Variants in ANK3 observed in about 807,000 individuals in gnomAD.
ANK3 encodes ankyrin-3.
Under a neutral mutation model 370.9 loss-of-function variants are expected in ANK3, and 57 were observed. The observed-to-expected ratio is 0.15, with a 90% CI of 0.12 to 0.19. ANK3 has a LOEUF of 0.19. Among genes scored for constraint, ANK3 ranks in the 10% least tolerant of loss-of-function variants. The probability of loss-of-function intolerance (pLI) is 1.00; values close to 1 mark genes in which losing one functional copy is unlikely to be tolerated. For missense variants in ANK3, 4,439 were observed against 5,302.1 expected, an observed-to-expected ratio of 0.84 and a Z score of 5.06; for synonymous variants, 1,929 against 1,946.3, an observed-to-expected ratio of 0.99 and a Z score of 0.23.
rs764370843 is a variant in ANK3, at chr10:60,073,917, T to C, written c.6964A>G (p.Met2322Val). The C allele has an allele frequency of 3.1e-6, 5 of 1,614,074 alleles. No individual in the cohort carries two copies. The Admixed American group carries it at 6.7e-5, about 22-fold the overall frequency. The change falls in exon 37 of 44, where the codon ATG (methionine) becomes GTG (valine). Residue 2322 changes from methionine (M) to valine (V), a missense_variant. Met to Val is a conservative substitution (Grantham distance 21). This residue lies in a region of ANK3 where 1,601 missense variants were observed against 1,731.7 expected (regional missense o/e 0.92). Coordinates refer to ENST00000280772, the MANE Select transcript of ANK3 (RefSeq NM_020987.5). ...ATTATACGCTCCAGTTTGGGTTTCATTTGGTTGTCCTTCTCTGCATGCTGG... is the reference window on the plus strand; with the variant it reads ...ATTATACGCTCCAGTTTGGGTTTCACTTGGTTGTCCTTCTCTGCATGCTGG... ...SAQHAEKDNQ[M>V]KPKLERIIEV...
At position 60,270,242 on chromosome 10, in the gene ANK3, A is replaced by C. The variant is rs755180295; in HGVS notation, c.415-13T>G. The C allele has an allele frequency of 1.3e-6, 2 of 1,546,312 alleles. No individual in the cohort carries two copies. The highest frequency in any genetic ancestry group is 2.4e-5 in the South Asian group (2 of 81,944). On this transcript the variant is annotated splice_polypyrimidine_tract_variant and intron_variant, in intron 4 of 43. Transcript: ENST00000280772. ...GCGTGAAACCATTCTGCAAAATAAG[A>C]AAAAAAATGTTTGTCTGCAGCTTTC...
At chr10:60,093,887 C>T (rs1297483511) in intron 28 of ANK3, among the ~76,000 whole-genome samples, 4 of 152,172 alleles carry the variant, frequency 2.6e-5, no homozygotes, top group African/African-American at 4.8e-5. Flanking sequence ...TATAATTTCC[C>T]AGCAGCTCAG....
intron 2 of ANK3, among the ~76,000 whole-genome samples, chr10:60,503,836 T>C (rs1244579970): frequency 1.3e-5 from 2 of 152,184 alleles, no homozygotes; most frequent in Admixed American, 1.3e-4. Context: ...CAAGACATTC[T>C]TTGGATAGTG....
intron 9 of ANK3, among the ~76,000 whole-genome samples, chr10:60,210,702 C>T (rs2096839975): frequency 6.6e-6 from 1 of 152,158 alleles, no homozygotes; most frequent in South Asian, 2.1e-4. Flanking sequence ...GTTTCCTTTT[C>T]CATTCCCACA....
chr10:60,371,436 T>C (rs747973427), intron 1 of ANK3, among the ~76,000 whole-genome samples: 4 of 152,060 alleles, frequency 2.6e-5, no homozygotes, highest in Non-Finnish European at 5.9e-5. Flanking sequence ...TTTAAAGTTG[T>C]CTGTCTCTCT....
chr10:60,129,762 CACACACAA>C (rs2093964696), intron 25 of ANK3, among the ~76,000 whole-genome samples: 1 of 151,988 alleles, frequency 6.6e-6, no homozygotes, highest in Admixed American at 6.6e-5. Context: ...CACACACACA[CACACACAA>C]ACACACACCC....
intron 28 of ANK3, among the ~76,000 whole-genome samples, chr10:60,092,593 TC>T (rs1191414461): frequency 6.6e-6 from 1 of 152,192 alleles, no homozygotes; most frequent in African/African-American, 2.4e-5. Context: ...AGAACTATTT[TC>T]TTCTTTAATT....
intron 25 of ANK3, among the ~76,000 whole-genome samples, chr10:60,131,453 A>G (rs2094064155): frequency 6.6e-6 from 1 of 152,208 alleles, no homozygotes; most frequent in African/African-American, 2.4e-5. Flanking sequence ...CAGATGTCCT[A>G]TGCTCTCCTT....
intron 1 of ANK3, among the ~76,000 whole-genome samples, chr10:60,640,476 A>G (rs373789285): frequency 2.1e-5 from 3 of 141,550 alleles, no homozygotes; most frequent in Admixed American, 1.5e-4. Context: ...ATGCAAGGCT[A>G]GTTCAATATA....
At chr10:60,037,081 T>G (rs1487014186) in intron 43 of ANK3, among the ~76,000 whole-genome samples, 1 of 152,200 alleles carries the variant, frequency 6.6e-6, no homozygotes, top group Non-Finnish European at 1.5e-5. Context: ...CATTTTTGAC[T>G]CAATGATTCT....
chr10:60,166,859 G>T lies in ANK3; in HGVS notation c.2516C>A (p.Thr839Lys), dbSNP rs202156367. The T allele has an allele frequency of 3.7e-6, 6 of 1,613,850 alleles. No individual in the cohort carries two copies. Among genetic ancestry groups the T allele is most frequent in the Non-Finnish European group, 4.2e-6 (5 of 1,179,926 alleles). The change falls in exon 22 of 44, where the codon ACG becomes AAG. Residue 839 changes from threonine (T) to lysine (K), a missense_variant. Thr to Lys is a moderately conservative substitution (Grantham distance 78). Coordinates refer to ENST00000280772, the MANE Select transcript of ANK3 (RefSeq NM_020987.5). ...AGACATATCAAGAACTTCATTCATC[G>T]TTTCTGGAACATTCATTTTGTGCTT... ...TEKHKMNVPE[T>K]MNEVLDMSDD...
intron 23 of ANK3, among the ~76,000 whole-genome samples, chr10:60,165,348 G>A (rs991037123): frequency 3.3e-5 from 5 of 152,246 alleles, no homozygotes; most frequent in South Asian, 2.1e-4. Context: ...TCCTAAAGAC[G>A]ATAACAAATA....
Position 60,698,897 on chromosome 10 carries a change from T to TATAATAATAATAATA in ANK3, c.57+34351_57+34365dup, listed in dbSNP as rs200309538. On this transcript the variant is annotated intron_variant, in intron 1 of 43. Coordinates refer to the ANK3 transcript ENST00000373827. ...TGCACATGTACCCTAAAACTTAAAG[T>TATAATAATAATAATA]ATAATAATAATAATAATAATAATAA... Among the ~76,000 whole-genome samples, 3 of 145,888 alleles carry TATAATAATAATAATA rather than the reference T, an allele frequency of 2.1e-5. 1 individual carries two copies. The highest frequency in any genetic ancestry group is 3.0e-5 in the Non-Finnish European group (2 of 66,562).
intron 2 of ANK3, among the ~76,000 whole-genome samples, chr10:60,537,606 C>T (rs1020821119): frequency 2.0e-5 from 3 of 151,702 alleles, no homozygotes; most frequent in Non-Finnish European, 2.9e-5. Flanking sequence ...GATAAGCCTG[C>T]TTTTGAAATT....
Position 60,451,916 on chromosome 10 carries a change from AACAT to A in ANK3, c.96+163266_96+163269del, listed in dbSNP as rs578254866. Among the ~76,000 whole-genome samples the A allele has an allele frequency of 1.9e-3, 288 of 152,330 alleles. 1 individual carries two copies. The highest frequency in any genetic ancestry group is 6.6e-3 in the African/African-American group (274 of 41,584). ...GTTTCCACTGTCTTCAAGGACACTG[AACAT>A]ACCCTGGAGGACCTGTGGAAAGGTT... is the stretch of plus-strand genomic sequence containing the variant. On this transcript the variant is annotated intron_variant, in intron 2 of 43. Coordinates refer to the ANK3 transcript ENST00000373827.
chr10:60,111,310 G>A (rs913017462), intron 26 of ANK3, among the ~76,000 whole-genome samples: 1 of 152,142 alleles, frequency 6.6e-6, no homozygotes, highest in Non-Finnish European at 1.5e-5. Context: ...ACAGTACATG[G>A]CTGGTGCTCA....
intron 1 of ANK3, among the ~76,000 whole-genome samples, chr10:60,678,402 AAG>A (rs2079153930): frequency 6.6e-6 from 1 of 152,226 alleles, no homozygotes; most frequent in Non-Finnish European, 1.5e-5. Flanking sequence ...GAATAAAAAT[AAG>A]AGAGTTTGGC....
intron 16 of ANK3, among the ~76,000 whole-genome samples, chr10:60,190,582 G>A (rs189906289): frequency 6.6e-6 from 1 of 152,280 alleles, no homozygotes; most frequent in Admixed American, 6.5e-5. Context: ...TGGAACTTCT[G>A]GGAAAGCCTT....
chr10:60,732,903 G>T (rs576181561), intron 1 of ANK3, among the ~76,000 whole-genome samples: 1 of 151,844 alleles, frequency 6.6e-6, no homozygotes, highest in Non-Finnish European at 1.5e-5. Context: ...GCCCCAAGAC[G>T]AGAGACCGAG....
Sources: gnomAD v4.1 joint callset for allele counts (sites outside exome capture counted in the v4.1 genomes callset) on GRCh38, gnomAD v4.1.1 for gene constraint, gnomAD v4.1.1 regional missense constraint, MANE v1.5 for transcripts, NCBI Gene and HGNC (gene_info 2026-07-23, HGNC 2026-07-21) for gene names.